BAZ1A: variants seen among roughly 807,000 people sequenced by gnomAD.
BAZ1A encodes bromodomain adjacent to zinc finger domain 1A.
Under a neutral mutation model 185.2 loss-of-function variants are expected in BAZ1A, and 50 were observed. The ratio of observed to expected loss-of-function variants is 0.27; its 90% CI spans 0.22 to 0.34. The LOEUF (loss-of-function observed/expected upper bound fraction) is 0.34. BAZ1A is among the 10% of genes least tolerant of loss of function. The pLI, the probability that BAZ1A is intolerant of heterozygous loss-of-function variation, is 1.00. For synonymous variants in BAZ1A, 571 were observed against 615.6 expected (o/e 0.93, Z 1.07); for missense variants, 1,356 against 1,839.9 (o/e 0.74, Z 4.81).
chr14:34,802,942 T>A lies in BAZ1A; in HGVS notation c.773A>T (p.Tyr258Phe), dbSNP rs1034166383. 6.2e-7 allele frequency: 1 copy of A among 1,612,590 alleles called. No individual in the cohort carries two copies. Among genetic ancestry groups the A allele is most frequent in the Admixed American group, 1.7e-5 (1 of 59,972 alleles). ...TYKIAEQDFS[Y>F]FFPDDPPTFI... is the part of the protein sequence containing the mutation. ...TGTGGGTGGATCATCAGGGAAGAAA[T>A]AAGAAAAATCTTGTTCTGCTATTTT... The change falls in exon 7 of 27, where the codon TAT becomes TTT. Residue 258 changes from tyrosine to phenylalanine, a missense_variant. By Grantham distance (22) the Tyr-to-Phe change is conservative. Transcript: ENST00000360310.
intron 3 of BAZ1A, among the ~76,000 whole-genome samples, chr14:34,835,820 C>T (rs1413897817): frequency 6.6e-6 from 1 of 151,304 alleles, no homozygotes; most frequent in Non-Finnish European, 1.5e-5. Context: ...TACAAGCATG[C>T]GCCACCACGC....
rs189670117 is a variant in BAZ1A at position 34,818,825 on chromosome 14, G to A, written c.536+7188C>T. ...AAGGAATAAAAAATTGTATGCTGAG[G>A]TTGCTAAATTAATCTATGATAAGAA... On this transcript the variant is annotated intron_variant, in intron 4 of 26. Transcript: ENST00000360310. 2.9e-4 allele frequency among the ~76,000 whole-genome samples: 44 copies of A among 152,072 alleles called. 1 individual carries two copies. The highest frequency in any genetic ancestry group is 1.0e-3 in the African/African-American group (43 of 41,484).
chr14:34,801,035 C>T lies in BAZ1A; in HGVS notation c.961+59G>A, dbSNP rs1352785621. 3 of 1,258,182 alleles carry T rather than the reference C, an allele frequency of 2.4e-6. No homozygotes were observed. The Admixed American group carries it at 8.4e-5, about 35-fold the overall frequency. The allele number at this position is 1,258,182 out of a possible 1,614,324, so 77.9% of individuals were successfully genotyped here. On this transcript the variant is annotated intron_variant, in intron 8 of 26. Coordinates refer to ENST00000360310, the MANE Select transcript of BAZ1A (RefSeq NM_013448.3). ...ATTTCGGAAACATCCCCCACTCAGG[C>T]ACAGAGAAATATTCTTTCTTATTCC...
rs570754338 is a variant in BAZ1A at position 34,801,363 on chromosome 14, C to T, written c.862-170G>A. 2.6e-5 allele frequency among the ~76,000 whole-genome samples: 4 copies of T among 151,958 alleles called. No homozygotes were observed. In the South Asian group the frequency reaches 8.3e-4, roughly 32 times the overall value. On this transcript the variant is annotated intron_variant, in intron 7 of 26. Transcript: ENST00000360310. ...CTGGAGTGCAGTGGTGTGATCTCGG[C>T]TCACTGCAACCTCTGCCTCCTGGGC...
chr14:34,830,230 A>G (rs1031673085), intron 3 of BAZ1A, among the ~76,000 whole-genome samples: 4 of 152,314 alleles, frequency 2.6e-5, no homozygotes, highest in African/African-American at 7.2e-5. Flanking sequence ...CAAAAATTAT[A>G]AACAATCCAA....
At chr14:34,819,711 T>C (rs1055181945) in intron 4 of BAZ1A, among the ~76,000 whole-genome samples, 1 of 152,236 alleles carries the variant, frequency 6.6e-6, no homozygotes, top group African/African-American at 2.4e-5. Context: ...TTTTGGAGGT[T>C]ACAGATAATG....
chr14:34,872,445 T>G (rs2042963047), intron 2 of BAZ1A, among the ~76,000 whole-genome samples: 1 of 151,880 alleles, frequency 6.6e-6, no homozygotes, highest in South Asian at 2.1e-4. Flanking sequence ...AATACAAAAA[T>G]TAGCCAGAGT....
chr14:34,832,384 A>C (rs1394429433), intron 3 of BAZ1A, among the ~76,000 whole-genome samples: 2 of 151,050 alleles, frequency 1.3e-5, no homozygotes, highest in Non-Finnish European at 2.9e-5. Context: ...TCATTCTATA[A>C]GGCCAGAATT....
intron 3 of BAZ1A, among the ~76,000 whole-genome samples, chr14:34,837,795 G>C (rs2042352766): frequency 6.6e-6 from 1 of 152,112 alleles, no homozygotes; most frequent in Admixed American, 6.5e-5. Context: ...GCTCAGCTTT[G>C]TGCCGTCCAG....
chr14:34,844,461 G>A (rs1445957915), intron 3 of BAZ1A, among the ~76,000 whole-genome samples: 1 of 151,902 alleles, frequency 6.6e-6, no homozygotes, highest in Non-Finnish European at 1.5e-5. Context: ...ACAACTTACA[G>A]ACTCAATGCA....
chr14:34,795,361 G>A (rs1881128452), intron 10 of BAZ1A, among the ~76,000 whole-genome samples: 1 of 152,152 alleles, frequency 6.6e-6, no homozygotes, highest in African/African-American at 2.4e-5. Context: ...GCCATTTCTG[G>A]AAATAGGCAG....
At chr14:34,851,294 C>G (rs2042592485) in intron 3 of BAZ1A, among the ~76,000 whole-genome samples, 1 of 133,566 alleles carries the variant, frequency 7.5e-6, no homozygotes. Context: ...GATTACACCA[C>G]TGCACTCTAC....
At chr14:34,753,915 C>T (rs571520271) in intron 26 of BAZ1A, among the ~76,000 whole-genome samples, 104 of 149,486 alleles carry the variant, frequency 7.0e-4, no homozygotes, top group African/African-American at 2.5e-3. Flanking sequence ...CTCAGGAGTT[C>T]GAGACCATCC....
At chr14:34,831,823 G>GA (rs529678561) in intron 3 of BAZ1A, among the ~76,000 whole-genome samples, 3 of 151,300 alleles carry the variant, frequency 2.0e-5, no homozygotes, top group Admixed American at 6.6e-5. Flanking sequence ...AAAATTGAAG[G>GA]AAAAAAAAGA....
chr14:34,824,878 T>C (rs1241645972), intron 4 of BAZ1A, among the ~76,000 whole-genome samples: 1 of 152,160 alleles, frequency 6.6e-6, no homozygotes, highest in Non-Finnish European at 1.5e-5. Context: ...TTTTGAAGTC[T>C]GAGATGCCCA....
chr14:34,789,087 T>G (rs957558309), intron 12 of BAZ1A, among the ~76,000 whole-genome samples: 5 of 152,160 alleles, frequency 3.3e-5, no homozygotes, highest in South Asian at 2.1e-4. Flanking sequence ...ATGACAGAAA[T>G]CATATTCTTC....
At chr14:34,841,063 C>A (rs998558495) in intron 3 of BAZ1A, among the ~76,000 whole-genome samples, 1 of 152,042 alleles carries the variant, frequency 6.6e-6, no homozygotes, top group Non-Finnish European at 1.5e-5. Context: ...ATTCTCCTGC[C>A]TCAGCCTCCC....
In BAZ1A at chr14:34,772,110, G is replaced by A. The variant is rs1449161150; in HGVS notation, c.3153-451C>T. 6.6e-5 allele frequency among the ~76,000 whole-genome samples: 10 copies of A among 151,762 alleles called. No homozygotes were observed. The East Asian group carries it at 9.7e-4, about 15-fold the overall frequency. ...GCTGGGACTACAGGTGCCCACCACC[G>A]TGCCCGGCTAATTTTTTGTATTTTT... On this transcript the variant is annotated intron_variant, in intron 20 of 26. Coordinates refer to ENST00000360310, the MANE Select transcript of BAZ1A (RefSeq NM_013448.3).
Position 34,776,462 on chromosome 14 carries a change from A to G in BAZ1A, c.2290T>C (p.Cys764Arg), listed in dbSNP as rs1332215723. The change falls in exon 18 of 27, where the codon TGT (cysteine) becomes CGT (arginine). Residue 764 changes from cysteine to arginine, a missense_variant. By Grantham distance (180) the Cys-to-Arg change is radical (BLOSUM62 -3). Around this residue, in one of 7 missense-constraint regions of BAZ1A, gnomAD observed 434 missense variants for 561.7 expected, o/e 0.77. Transcript: ENST00000360310. ...GCAGTAAGAGGCTCTCTTGTTACACAGTTGATCTGTTCTTGCCTTGTAAAT... is the reference window on the plus strand; with the variant it reads ...GCAGTAAGAGGCTCTCTTGTTACACGGTTGATCTGTTCTTGCCTTGTAAAT... ...KEFTRQEQIN[C>R]VTREPLTADE... The G allele has an allele frequency of 6.2e-6, 10 of 1,613,556 alleles. No homozygotes were observed. The highest frequency in any genetic ancestry group is 8.5e-6 in the Non-Finnish European group (10 of 1,179,982).
Sources: allele counts gnomAD v4.1 joint callset (sites outside exome capture counted in the v4.1 genomes callset), GRCh38; gene constraint gnomAD v4.1.1; regional missense constraint gnomAD v4.1.1; transcripts MANE v1.5; gene names NCBI Gene and HGNC (gene_info 2026-07-23, HGNC 2026-07-21).